Variants in IGDCC4 observed in about 807,000 individuals in gnomAD.
IGDCC4 encodes the protein likely ortholog of mouse neighbor of Punc E11.
A neutral mutation model predicts 116.6 loss-of-function variants in IGDCC4; 72 were observed. That is an observed-to-expected ratio of 0.62 (90% CI 0.51 to 0.75). IGDCC4 has a LOEUF of 0.75. IGDCC4 is among the 30% of genes least tolerant of loss of function. IGDCC4 has a pLI of 0.00. For missense variants in IGDCC4, 1,501 were observed against 1,662.4 expected (o/e 0.90, Z 1.69); for synonymous variants, 709 against 719.9 (o/e 0.98, Z 0.24).
chr15:65,411,476 A>C, intron 1 of IGDCC4, 106 bp from the exon 2 acceptor site: 1 of 892,824 alleles, frequency 1.1e-6, no homozygotes, highest in Non-Finnish European at 1.6e-6. Context: ...AAGGAGAAAC[A>C]CCTGCATCTG....
chr15:65,395,735 C>G lies in IGDCC4; in HGVS notation c.1411+15G>C. 1 of 1,430,186 alleles carries G rather than the reference C, an allele frequency of 7.0e-7. No homozygotes were observed. The highest frequency in any genetic ancestry group is 9.2e-7 in the Non-Finnish European group (1 of 1,086,442). 88.6% of individuals were successfully genotyped at this position (1,430,186 alleles called of 1,614,324 possible). A position where few individuals can be genotyped will look rare whatever the true frequency, so the allele number is the denominator to read the frequency against. ...CCGGGCCTGCGCTGGTGCATCCCGCCCCAGGCCGACGTACCCCGTGCCTTC... is the reference window on the plus strand; with the variant it reads ...CCGGGCCTGCGCTGGTGCATCCCGCGCCAGGCCGACGTACCCCGTGCCTTC... On this transcript the variant is annotated intron_variant, in intron 7 of 19. Coordinates refer to ENST00000352385, the MANE Select transcript of IGDCC4 (RefSeq NM_020962.3).
chr15:65,402,451 C>T lies in IGDCC4; in HGVS notation c.600G>A (p.Leu200=). 1 of 1,567,242 alleles carries T rather than the reference C, an allele frequency of 6.4e-7. No individual in the cohort carries two copies. Among genetic ancestry groups the T allele is most frequent in the Non-Finnish European group, 8.7e-7 (1 of 1,155,290 alleles). ...IVLPNGVLQI[L]DVQESDAGPY... Reference sequence around the variant, plus strand: ...GGCCTGCATCACTCTCCTGAACATCCAGGATCTGAAGGACGCCGTTGGGAA... The same window carrying T: ...GGCCTGCATCACTCTCCTGAACATCTAGGATCTGAAGGACGCCGTTGGGAA... Residue 200 remains leucine (L), a synonymous_variant, in exon 4 of 20, where the codon CTG becomes CTA. Transcript: ENST00000352385.
At chr15:65,388,401 G>C in intron 16 of IGDCC4, 48 bp downstream of exon 16, 2 of 1,611,436 alleles carry the variant, frequency 1.2e-6, no homozygotes, top group African/African-American at 1.3e-5. Flanking sequence ...CCACAGGCAG[G>C]GGCTTGGAAG....
At chr15:65,389,262 CA>C (rs765225399) in intron 14 of IGDCC4, 21 bp downstream of exon 14, 1 of 1,606,626 alleles carries the variant, frequency 6.2e-7, no homozygotes, top group South Asian at 1.1e-5. Flanking sequence ...GGGTTGGTGG[CA>C]AGGGGCTGGG....
intron 5 of IGDCC4, among the ~76,000 whole-genome samples, chr15:65,399,301 T>C (rs1465493435): frequency 4.0e-5 from 6 of 151,568 alleles, no homozygotes; most frequent in African/African-American, 1.2e-4. Flanking sequence ...AGAAACCCTG[T>C]CTCTACAAAA....
At position 65,389,520 on chromosome 15, in the gene IGDCC4, G is replaced by C. The variant is rs1409618351; in HGVS notation, c.2409-109C>G. On this transcript the variant is annotated intron_variant, in intron 13 of 19. Transcript: ENST00000352385. ...CAGCCCCAGCCCCAGGCTCTACCCTGGGAAGGGAAGCTGCTCCCTGGCCTG... is the reference window on the plus strand; with the variant it reads ...CAGCCCCAGCCCCAGGCTCTACCCTCGGAAGGGAAGCTGCTCCCTGGCCTG... The C allele has an allele frequency of 2.7e-6, 4 of 1,494,748 alleles. No individual in the cohort carries two copies. The Admixed American group carries it at 7.4e-5, about 28-fold the overall frequency. The allele number at this position is 1,494,748 out of a possible 1,614,324, so 92.6% of individuals were successfully genotyped here.
chr15:65,382,540 G>A lies in IGDCC4; in HGVS notation c.*1469C>T, dbSNP rs924848488. 1 of 152,560 alleles carries A rather than the reference G, an allele frequency of 6.6e-6. No homozygotes were observed. The highest frequency in any genetic ancestry group is 1.5e-5 in the Non-Finnish European group (1 of 68,042). 9.5% of individuals were successfully genotyped at this position (152,560 alleles called of 1,614,324 possible). ...CCTAACATTCTATGCTCCTATGAGA[G>A]GGCTGAGGTGAAAAACCAAATAAAT... On this transcript the variant is annotated 3_prime_UTR_variant, in exon 20 of 20. Transcript: ENST00000352385.
At chr15:65,422,097 T>C (rs2063197529) in intron 1 of IGDCC4, among the ~76,000 whole-genome samples, 1 of 151,372 alleles carries the variant, frequency 6.6e-6, no homozygotes, top group South Asian at 2.1e-4. Flanking sequence ...GCAAATGGTT[T>C]CCTGCCCCCT....
rs1194698113 is a variant in IGDCC4, at chr15:65,390,323, C to T, written c.2240G>A (p.Arg747Lys). Residue 747 changes from arginine to lysine, a missense_variant, in exon 13 of 20, where the codon AGG becomes AAG. Physicochemically the swap from Arg to Lys is conservative, Grantham distance 26. Coordinates refer to ENST00000352385, the MANE Select transcript of IGDCC4 (RefSeq NM_020962.3). ...GTGGGCTGGAGGCAGGGGTGGTCCC[C>T]TCTGGATAGGCATGTCTGAAAGGTG... ...KAPAPDMPIQ[R>K]GPPLPPAHVH... is the part of the protein sequence containing the mutation. The T allele has an allele frequency of 8.1e-6, 13 of 1,600,832 alleles. 1 individual carries two copies. The South Asian group carries it at 1.3e-4, about 16-fold the overall frequency.
At chr15:65,413,581 A>T (rs1216495382) in intron 1 of IGDCC4, among the ~76,000 whole-genome samples, 1 of 152,218 alleles carries the variant, frequency 6.6e-6, no homozygotes, top group Non-Finnish European at 1.5e-5. Flanking sequence ...TTATTCATAG[A>T]CAAATGGTTG....
intron 1 of IGDCC4, among the ~76,000 whole-genome samples, chr15:65,414,991 G>A (rs953152837): frequency 3.9e-5 from 6 of 152,118 alleles, no homozygotes; most frequent in Admixed American, 2.0e-4. Flanking sequence ...CATGCCCGGC[G>A]GGGAGCTTAT....
rs138837200 is a variant in IGDCC4, at chr15:65,393,379, T to C, written c.1867A>G (p.Met623Val). Residue 623 changes from methionine (M) to valine (V), a missense_variant, in exon 10 of 20, where the codon ATG becomes GTG. Met to Val is a conservative substitution (Grantham distance 21). This residue lies in a region of IGDCC4 where 898 missense variants were observed against 978.9 expected (regional missense o/e 0.92). Coordinates refer to ENST00000352385, the MANE Select transcript of IGDCC4 (RefSeq NM_020962.3). The surrounding 1 kb of genome is among the most constrained non-coding windows in gnomAD (Gnocchi z 4.6). ...CCCGTACCATGGCTCTGGTTGTGCA[T>C]ACTGGGCGTCCTGTGATGCATCCAC... ...SQWMHHRTPS[M>V]HNQSHVPFAP... is the part of the protein sequence containing the mutation. 5.0e-6 allele frequency: 8 copies of C among 1,612,220 alleles called. No homozygotes were observed. The African/African-American group carries it at 6.7e-5, about 13-fold the overall frequency.
At chr15:65,402,845 C>T (rs541659719) in intron 3 of IGDCC4, among the ~76,000 whole-genome samples, 4 of 152,112 alleles carry the variant, frequency 2.6e-5, no homozygotes, top group African/African-American at 4.8e-5. Flanking sequence ...CCAGCCTGGG[C>T]GACAACAGCA....
At position 65,384,171 on chromosome 15, in the gene IGDCC4, A is replaced by G; in HGVS notation, c.3591T>C (p.Leu1197=). 1 of 1,613,656 alleles carries G rather than the reference A, an allele frequency of 6.2e-7. No individual in the cohort carries two copies. Among genetic ancestry groups the G allele is most frequent in the Non-Finnish European group, 8.5e-7 (1 of 1,179,794 alleles). ...CACTGGCTGCCTCTGGCAAGCAGGTAAGTCTGTCTGGCCCGGGGGCTGCCA... is the reference window on the plus strand; with the variant it reads ...CACTGGCTGCCTCTGGCAAGCAGGTGAGTCTGTCTGGCCCGGGGGCTGCCA... ...CELAAPGPDR[L]TCLPEAASAS... Residue 1197 remains leucine (L), a synonymous_variant, in exon 20 of 20, where the codon CTT becomes CTC. Transcript: ENST00000352385. The surrounding 1 kb of genome is among the most constrained non-coding windows in gnomAD (Gnocchi z 4.9).
intron 1 of IGDCC4, among the ~76,000 whole-genome samples, chr15:65,413,006 T>C (rs2063111917): frequency 6.7e-6 from 1 of 148,260 alleles, no homozygotes; most frequent in Non-Finnish European, 1.5e-5. Flanking sequence ...ATTTAAAATG[T>C]ATTATAAGTG....
chr15:65,386,031 C>T lies in IGDCC4; in HGVS notation c.2980G>A (p.Ala994Thr). Residue 994 changes from alanine to threonine, a missense_variant, in exon 18 of 20, where the codon GCC becomes ACC. Ala to Thr is a moderately conservative substitution (Grantham distance 58). Coordinates refer to ENST00000352385, the MANE Select transcript of IGDCC4 (RefSeq NM_020962.3). ...RESLPGLSST[A>T]TPGNPALYSR... ...TACAGCGCGGGATTCCCGGGGGTGG[C>T]GGTGGAGGACAGGCCTGGGAGGGAT... 2 of 1,541,202 alleles carry T rather than the reference C, an allele frequency of 1.3e-6. No individual in the cohort carries two copies. Among genetic ancestry groups the T allele is most frequent in the South Asian group, 1.2e-5 (1 of 82,188 alleles).
intron 3 of IGDCC4, among the ~76,000 whole-genome samples, chr15:65,405,529 ATAAT>A (rs1007581878): frequency 1.5e-4 from 23 of 151,756 alleles, no homozygotes; most frequent in African/African-American, 4.9e-4. Context: ...AATGGGTTAA[ATAAT>A]TCCTGTCCTG....
chr15:65,422,855 C>A lies in IGDCC4; in HGVS notation c.8G>T (p.Arg3Leu), dbSNP rs1287814422. 1.7e-6 allele frequency: 2 copies of A among 1,188,394 alleles called. No homozygotes were observed. Among genetic ancestry groups the A allele is most frequent in the Non-Finnish European group, 2.1e-6 (2 of 956,892 alleles). 73.6% of individuals were successfully genotyped at this position (1,188,394 alleles called of 1,614,324 possible). A position where few individuals can be genotyped will look rare whatever the true frequency, so the allele number is the denominator to read the frequency against. MARGDAGRGRGLL... is the reference protein window; with the variant it reads MALGDAGRGRGLL... ...CCCGCGGCCGCGGCCGGCGTCCCCC[C>A]GCGCCATGGGGCTGGGCTCGGGCCG... is the stretch of plus-strand genomic sequence containing the variant. Residue 3 changes from arginine (R) to leucine (L), a missense_variant, in exon 1 of 20, where the codon CGG becomes CTG. Physicochemically the swap from Arg to Leu is moderately radical, Grantham distance 102 (BLOSUM62 -2). Coordinates refer to ENST00000352385, the MANE Select transcript of IGDCC4 (RefSeq NM_020962.3).
chr15:65,422,864 G>A lies in IGDCC4; in HGVS notation c.-2C>T. 1 of 1,153,196 alleles carries A rather than the reference G, an allele frequency of 8.7e-7. No individual in the cohort carries two copies. The highest frequency in any genetic ancestry group is 1.1e-6 in the Non-Finnish European group (1 of 936,754). 71.4% of individuals were successfully genotyped at this position (1,153,196 alleles called of 1,614,324 possible). ...GCGGCCGGCGTCCCCCCGCGCCATG[G>A]GGCTGGGCTCGGGCCGCCGCCGCCG... On this transcript the variant is annotated 5_prime_UTR_variant, in exon 1 of 20. Coordinates refer to ENST00000352385, the MANE Select transcript of IGDCC4 (RefSeq NM_020962.3).
Sources: allele counts gnomAD v4.1 joint callset (sites outside exome capture counted in the v4.1 genomes callset), GRCh38; gene constraint gnomAD v4.1.1; regional missense constraint gnomAD v4.1.1; non-coding constraint Gnocchi (gnomAD v3.1); transcripts MANE v1.5; gene names NCBI Gene and HGNC (gene_info 2026-07-23, HGNC 2026-07-21).